The following STXBP5L variants were observed in gnomAD, a reference collection of about 807,000 sequenced individuals.
STXBP5L encodes syntaxin binding protein 5L, also known as syntaxin-binding protein 5-like.
In STXBP5L, 65 loss-of-function variants were observed where a neutral mutation model predicts 144.5. The ratio of observed to expected loss-of-function variants is 0.45; its 90% CI spans 0.37 to 0.55. STXBP5L has a LOEUF of 0.55. STXBP5L is among the 20% of genes least tolerant of loss of function. The probability of loss-of-function intolerance (pLI) is 0.00; values close to 1 mark genes in which losing one functional copy is unlikely to be tolerated. For synonymous variants in STXBP5L, 505 were observed against 469.6 expected, an observed-to-expected ratio of 1.08 and a Z score of -0.97; for missense variants, 1,298 against 1,405.5, an observed-to-expected ratio of 0.92 and a Z score of 1.22.
chr3:121,356,571 T>C (rs1036237963), intron 20 of STXBP5L, among the ~76,000 whole-genome samples: 1 of 152,178 alleles, frequency 6.6e-6, no homozygotes, highest in African/African-American at 2.4e-5. Context: ...GGTGGGAGTA[T>C]CCCATTTTTC....
intron 2 of STXBP5L, among the ~76,000 whole-genome samples, chr3:120,926,675 T>C (rs1709649407): frequency 1.3e-5 from 2 of 152,128 alleles, no homozygotes; most frequent in South Asian, 4.1e-4. Context: ...TATCAGTAAT[T>C]CTTAGATTTG....
rs558525305 is a variant in STXBP5L at position 121,398,716 on chromosome 3, A to G, written c.2588-8527A>G. 6.8e-3 allele frequency among the ~76,000 whole-genome samples: 1,030 copies of G among 152,340 alleles called. 6 individuals are homozygous for G. The highest frequency in any genetic ancestry group is 0.012 in the Non-Finnish European group (785 of 68,030). On this transcript the variant is annotated intron_variant, in intron 22 of 26. Transcript: ENST00000471454. ...TCTCAGTCCTGCCATTGCCTGTGCCAACAAAGTAGCTTTATGCAGATTACC... is the reference window on the plus strand; with the variant it reads ...TCTCAGTCCTGCCATTGCCTGTGCCGACAAAGTAGCTTTATGCAGATTACC...
At chr3:121,117,529 G>A (rs2044283989) in intron 6 of STXBP5L, among the ~76,000 whole-genome samples, 1 of 151,588 alleles carries the variant, frequency 6.6e-6, no homozygotes, top group East Asian at 1.9e-4. Flanking sequence ...GTAACTTCCT[G>A]TTAATATGTG....
At chr3:121,207,421 G>C (rs1045715268) in intron 10 of STXBP5L, among the ~76,000 whole-genome samples, 3 of 152,016 alleles carry the variant, frequency 2.0e-5, no homozygotes, top group Non-Finnish European at 4.4e-5. Context: ...CATAGACGTG[G>C]GCAAGGACTT....
chr3:121,411,832 ATC>A (rs2047120818), intron 23 of STXBP5L, among the ~76,000 whole-genome samples: 1 of 152,114 alleles, frequency 6.6e-6, no homozygotes, highest in Non-Finnish European at 1.5e-5. Context: ...CCCACAACAC[ATC>A]TCTGTCAGTT....
At chr3:121,415,576 T>A (rs1449195980) in intron 24 of STXBP5L, among the ~76,000 whole-genome samples, 1 of 152,156 alleles carries the variant, frequency 6.6e-6, no homozygotes, top group East Asian at 1.9e-4. Flanking sequence ...TGAGCACAGA[T>A]GGAAATTAAT....
chr3:121,204,804 A>C (rs2048274943), intron 9 of STXBP5L, among the ~76,000 whole-genome samples: 1 of 152,214 alleles, frequency 6.6e-6, no homozygotes, highest in Non-Finnish European at 1.5e-5. Context: ...TTAAACTGAA[A>C]GCATAACTAG....
At chr3:121,139,222 TGAAGGA>T (rs1192411309) in intron 7 of STXBP5L, among the ~76,000 whole-genome samples, 3 of 152,028 alleles carry the variant, frequency 2.0e-5, no homozygotes, top group African/African-American at 7.2e-5. Flanking sequence ...TTATAAAAGC[TGAAGGA>T]GAAGATTTTG....
At chr3:120,994,315 C>G (rs1576603126) in intron 3 of STXBP5L, among the ~76,000 whole-genome samples, 2 of 151,988 alleles carry the variant, frequency 1.3e-5, no homozygotes, top group Non-Finnish European at 2.9e-5. Context: ...CTAGAATTTT[C>G]AGTACTATGT....
At chr3:121,376,837 A>G (rs1157902669) in intron 20 of STXBP5L, among the ~76,000 whole-genome samples, 2 of 152,068 alleles carry the variant, frequency 1.3e-5, no homozygotes, top group Non-Finnish European at 2.9e-5. Context: ...CATTTTCACG[A>G]TATTGATTCT....
intron 3 of STXBP5L, among the ~76,000 whole-genome samples, chr3:121,004,700 C>T (rs928781877): frequency 1.2e-4 from 18 of 152,066 alleles, no homozygotes; most frequent in African/African-American, 3.9e-4. Flanking sequence ...TCATAGATAG[C>T]TCTTCTTATT....
chr3:121,382,537 T>C (rs929158767), intron 22 of STXBP5L, among the ~76,000 whole-genome samples: 1 of 152,124 alleles, frequency 6.6e-6, no homozygotes, highest in Non-Finnish European at 1.5e-5. Flanking sequence ...TAATGAATTA[T>C]TAATTATTAA....
chr3:121,015,502 TA>T (rs1301955631), intron 3 of STXBP5L, among the ~76,000 whole-genome samples: 1 of 152,078 alleles, frequency 6.6e-6, no homozygotes, highest in African/African-American at 2.4e-5. Context: ...AACACTCAAA[TA>T]GTAACTTTTT....
At chr3:121,114,826 T>G (rs1193350340) in intron 5 of STXBP5L, 99 bp from the exon 6 acceptor site, 1 of 715,126 alleles carries the variant, frequency 1.4e-6, no homozygotes, top group East Asian at 3.2e-5. Context: ...GTACATTTTA[T>G]TATTTATATA....
intron 20 of STXBP5L, among the ~76,000 whole-genome samples, chr3:121,369,143 G>C (rs958929116): frequency 6.6e-6 from 1 of 152,150 alleles, no homozygotes; most frequent in Non-Finnish European, 1.5e-5. Flanking sequence ...TGGGAGTGGG[G>C]CATAGGTAGC....
intron 3 of STXBP5L, among the ~76,000 whole-genome samples, chr3:120,967,294 G>A (rs947387745): frequency 3.3e-4 from 50 of 152,108 alleles, no homozygotes; most frequent in African/African-American, 9.7e-4. Context: ...CTCACCCTCC[G>A]TGGGCTGCAC....
chr3:120,967,652 T>A (rs1315425041), intron 3 of STXBP5L, among the ~76,000 whole-genome samples: 1 of 152,332 alleles, frequency 6.6e-6, no homozygotes, highest in East Asian at 1.9e-4. Flanking sequence ...TGGGTTTGAA[T>A]TTTTCTTGCT....
intron 9 of STXBP5L, among the ~76,000 whole-genome samples, chr3:121,205,004 T>C (rs1049718291): frequency 2.0e-5 from 3 of 152,220 alleles, no homozygotes; most frequent in Non-Finnish European, 4.4e-5. Flanking sequence ...GTATCTGTGT[T>C]CATTGTCTAA....
At chr3:121,382,306 A>G (rs2046340629) in intron 22 of STXBP5L, among the ~76,000 whole-genome samples, 1 of 152,038 alleles carries the variant, frequency 6.6e-6, no homozygotes, top group African/African-American at 2.4e-5. Context: ...GTTTTCTTTA[A>G]CTAGTGTGCT....
Sources: gnomAD v4.1 joint callset for allele counts (sites outside exome capture counted in the v4.1 genomes callset) on GRCh38, gnomAD v4.1.1 for gene constraint, MANE v1.5 for transcripts, NCBI Gene and HGNC (gene_info 2026-07-23, HGNC 2026-07-21) for gene names.